Variants in PARD3B observed in about 807,000 individuals in gnomAD.
PARD3B encodes partitioning defective 3 homolog B.
Under a neutral mutation model 130.2 loss-of-function variants are expected in PARD3B, and 103 were observed. The observed-to-expected ratio is 0.79, with a 90% CI of 0.67 to 0.93. The LOEUF (loss-of-function observed/expected upper bound fraction) is 0.93, where lower values mean the gene tolerates loss of function less well. Among genes scored for constraint, PARD3B ranks in the 40% least tolerant of loss-of-function variants. The pLI is 0.00. For missense variants in PARD3B, 1,609 were observed against 1,499.2 expected (o/e 1.07, Z -1.21); for synonymous variants, 583 against 553.2 (o/e 1.05, Z -0.76).
intron 2 of PARD3B, among the ~76,000 whole-genome samples, chr2:204,753,411 T>C (rs1453139567): frequency 1.3e-5 from 2 of 152,164 alleles, no homozygotes; most frequent in Non-Finnish European, 2.9e-5. Context: ...TTTGATCTTA[T>C]AGCTAAAAAT....
chr2:204,713,639 T>A (rs1433880417), intron 2 of PARD3B, among the ~76,000 whole-genome samples: 5 of 152,150 alleles, frequency 3.3e-5, no homozygotes, highest in Admixed American at 6.5e-5. Context: ...AAGTACCTCA[T>A]ATAAGTGGAA....
chr2:204,602,772 T>C (rs1469068587), intron 1 of PARD3B, among the ~76,000 whole-genome samples: 1 of 152,058 alleles, frequency 6.6e-6, no homozygotes, highest in African/African-American at 2.4e-5. Flanking sequence ...AGATGGCATA[T>C]TGTGTAAGCC....
Position 205,591,937 on chromosome 2 carries a change from A to C in PARD3B, c.3261-23519A>C, listed in dbSNP as rs1245278325. On this transcript the variant is annotated intron_variant, in intron 22 of 22. Transcript: ENST00000406610. This position sits in a 1 kb window ranked among gnomAD's most constrained non-coding sequence, Gnocchi z 4.2. ...GGTCCAGCAGGGAACGAAGACACCC[A>C]GGCATGGACATTAAGATTCAAGGCT... 6.6e-6 allele frequency among the ~76,000 whole-genome samples: 1 copy of C among 152,216 alleles called. No homozygotes were observed. The highest frequency in any genetic ancestry group is 1.5e-5 in the Non-Finnish European group (1 of 68,036).
intron 3 of PARD3B, among the ~76,000 whole-genome samples, chr2:205,036,995 C>A (rs894609211): frequency 1.4e-5 from 2 of 140,046 alleles, no homozygotes; most frequent in Admixed American, 7.2e-5. Flanking sequence ...ACATATATAG[C>A]GGACTGTATA....
At chr2:205,200,227 T>C (rs1223458024) in intron 15 of PARD3B, among the ~76,000 whole-genome samples, 1 of 152,200 alleles carries the variant, frequency 6.6e-6, no homozygotes, top group Non-Finnish European at 1.5e-5. Flanking sequence ...CATTGTCACC[T>C]TGGAGAAAAT....
At chr2:204,986,122 A>AC (rs1693125439) in intron 3 of PARD3B, among the ~76,000 whole-genome samples, 1 of 151,046 alleles carries the variant, frequency 6.6e-6, no homozygotes, top group Non-Finnish European at 1.5e-5. Flanking sequence ...AAAAAAAAAA[A>AC]AAAAGAGCTT....
At chr2:205,364,261 T>A (rs959515925) in intron 18 of PARD3B, among the ~76,000 whole-genome samples, 42 of 152,336 alleles carry the variant, frequency 2.8e-4, no homozygotes, top group African/African-American at 8.2e-4. Flanking sequence ...CATAGCTTAG[T>A]GACTTCCTAT....
intron 15 of PARD3B, among the ~76,000 whole-genome samples, chr2:205,231,840 T>A (rs2038853061): frequency 6.6e-6 from 1 of 152,180 alleles, no homozygotes; most frequent in Non-Finnish European, 1.5e-5. Flanking sequence ...TTGGAGGGTT[T>A]TCCTTAAGTA....
At chr2:205,361,737 G>A (rs562918353) in intron 18 of PARD3B, among the ~76,000 whole-genome samples, 4 of 152,038 alleles carry the variant, frequency 2.6e-5, no homozygotes, top group South Asian at 2.1e-4. Context: ...GCTTTTCTCC[G>A]TGCATACCAC....
At chr2:205,073,433 T>C (rs1700861620) in intron 4 of PARD3B, among the ~76,000 whole-genome samples, 1 of 152,160 alleles carries the variant, frequency 6.6e-6, no homozygotes, top group Non-Finnish European at 1.5e-5. Flanking sequence ...TGAAATAAAA[T>C]TAAATGGAAC....
chr2:205,605,357 G>C lies in PARD3B; in HGVS notation c.3261-10099G>C, dbSNP rs569881034. Among the ~76,000 whole-genome samples the C allele has an allele frequency of 7.9e-5, 12 of 152,280 alleles. No individual in the cohort carries two copies. In the South Asian group the frequency reaches 2.1e-3, roughly 26 times the overall value. On this transcript the variant is annotated intron_variant, in intron 22 of 22. Transcript: ENST00000406610. ...ATTCTCATCTTCATGAGTTTATCTA[G>C]CTTCGATCTTTGAGGCTGCTGGCCT...
intron 22 of PARD3B, among the ~76,000 whole-genome samples, chr2:205,569,488 G>A (rs986208750): frequency 9.2e-5 from 14 of 152,120 alleles, no homozygotes; most frequent in African/African-American, 3.4e-4. Flanking sequence ...GGAATGCTTT[G>A]AACATCCATG....
chr2:205,104,858 A>C (rs1160860490), intron 5 of PARD3B, among the ~76,000 whole-genome samples: 1 of 152,164 alleles, frequency 6.6e-6, no homozygotes, highest in Non-Finnish European at 1.5e-5. Flanking sequence ...GAAAGCACCA[A>C]ATCCTAGCCA....
chr2:204,666,919 A>G (rs901403638), intron 1 of PARD3B, among the ~76,000 whole-genome samples: 1 of 152,180 alleles, frequency 6.6e-6, no homozygotes, highest in African/African-American at 2.4e-5. Context: ...AGAGTCATGT[A>G]TCTAGGACTG....
intron 18 of PARD3B, among the ~76,000 whole-genome samples, chr2:205,400,214 T>C (rs980679392): frequency 6.6e-6 from 1 of 152,156 alleles, no homozygotes; most frequent in Non-Finnish European, 1.5e-5. Context: ...TCATAATTAG[T>C]CTTGAATATT....
chr2:204,765,751 A>G (rs190110243), intron 2 of PARD3B, among the ~76,000 whole-genome samples: 1 of 150,520 alleles, frequency 6.6e-6, no homozygotes, highest in Non-Finnish European at 1.5e-5. Context: ...GCTACAAACT[A>G]ATAATGGAGG....
chr2:205,007,129 G>C (rs1164890203), intron 3 of PARD3B, among the ~76,000 whole-genome samples: 2 of 151,998 alleles, frequency 1.3e-5, no homozygotes, highest in Admixed American at 1.3e-4. Context: ...GAAATCTGAT[G>C]GTTTTATAAG....
chr2:204,771,580 C>G (rs1432373724), intron 2 of PARD3B, among the ~76,000 whole-genome samples: 2 of 152,074 alleles, frequency 1.3e-5, no homozygotes, highest in African/African-American at 4.8e-5. Flanking sequence ...ATGCTCACCA[C>G]CTGGGTGATG....
At chr2:204,889,280 G>A (rs1018440142) in intron 2 of PARD3B, among the ~76,000 whole-genome samples, 4 of 152,184 alleles carry the variant, frequency 2.6e-5, no homozygotes, top group Middle Eastern at 3.4e-3. Context: ...TCATGATCTC[G>A]ATTCTTCCTG....
Sources: gnomAD v4.1 joint callset for allele counts (sites outside exome capture counted in the v4.1 genomes callset) on GRCh38, gnomAD v4.1.1 for gene constraint, Gnocchi (gnomAD v3.1) non-coding constraint, MANE v1.5 for transcripts, NCBI Gene and HGNC (gene_info 2026-07-23, HGNC 2026-07-21) for gene names.